The following RBM20 variants were observed in gnomAD, a reference collection of about 807,000 sequenced individuals.
RBM20 encodes the protein RNA binding motif protein 20, also known as RNA-binding protein 20.
Under a neutral mutation model 110.1 loss-of-function variants are expected in RBM20, and 51 were observed. The observed-to-expected ratio is 0.46, with a 90% confidence interval of 0.37 to 0.59. RBM20 has a LOEUF of 0.59. Among genes scored for constraint, RBM20 ranks in the 20% least tolerant of loss-of-function variants. The probability of loss-of-function intolerance (pLI) is 0.00; values close to 1 mark genes in which losing one functional copy is unlikely to be tolerated. For missense variants in RBM20, 1,512 were observed against 1,574.9 expected, an observed-to-expected ratio of 0.96 and a Z score of 0.68; for synonymous variants, 589 against 618.2, an observed-to-expected ratio of 0.95 and a Z score of 0.70.
intron 1 of RBM20, among the ~76,000 whole-genome samples, chr10:110,682,841 T>A (rs1348228173): frequency 6.6e-6 from 1 of 152,252 alleles, no homozygotes; most frequent in Non-Finnish European, 1.5e-5. Context: ...TTGGCATTCA[T>A]CTGTGGAGCT....
At chr10:110,810,805 G>A (rs1423940225) in intron 8 of RBM20, among the ~76,000 whole-genome samples, 1 of 150,306 alleles carries the variant, frequency 6.7e-6, no homozygotes, top group Non-Finnish European at 1.5e-5. Context: ...GTGTGTGTGT[G>A]TGTGTGTGTG....
At position 110,735,736 on chromosome 10, in the gene RBM20, T is replaced by C. The variant is rs138044410; in HGVS notation, c.192-45065T>C. 6.9e-3 allele frequency among the ~76,000 whole-genome samples: 1,056 copies of C among 152,288 alleles called. 11 individuals are homozygous for C. Among genetic ancestry groups the C allele is most frequent in the South Asian group, 0.021 (101 of 4,826 alleles). On this transcript the variant is annotated intron_variant, in intron 1 of 13. Coordinates refer to ENST00000369519, the MANE Select transcript of RBM20 (RefSeq NM_001134363.3). Reference sequence around the variant, plus strand: ...CATGTCTGTTTGCCCCATCTCAAGGTTTTATGCCTTCTAGTTAAGCATCGG... The same window carrying C: ...CATGTCTGTTTGCCCCATCTCAAGGCTTTATGCCTTCTAGTTAAGCATCGG...
intron 1 of RBM20, among the ~76,000 whole-genome samples, chr10:110,695,693 T>A (rs1025905141): frequency 1.3e-5 from 2 of 152,104 alleles, no homozygotes; most frequent in African/African-American, 4.8e-5. Context: ...GTTCTCAGAG[T>A]CATGAGTTTG....
chr10:110,677,773 G>C (rs563872584), intron 1 of RBM20, among the ~76,000 whole-genome samples: 38 of 152,198 alleles, frequency 2.5e-4, no homozygotes, highest in African/African-American at 9.2e-4. Flanking sequence ...GTGTTCGATG[G>C]GCATGTATCT....
intron 1 of RBM20, among the ~76,000 whole-genome samples, chr10:110,660,502 G>A (rs182541711): frequency 1.3e-5 from 2 of 152,132 alleles, no homozygotes; most frequent in African/African-American, 2.4e-5. Context: ...GCGAGCAAGC[G>A]AAGCTTCATC....
intron 9 of RBM20, 37 bp from the exon 10 acceptor site, chr10:110,820,035 C>G (rs1773550375): frequency 2.9e-6 from 4 of 1,362,914 alleles, no homozygotes; most frequent in Non-Finnish European, 4.0e-6. Context: ...TCACTGCTCA[C>G]TGTTGATTTG....
chr10:110,816,267 CT>C (rs1844837404), intron 9 of RBM20, among the ~76,000 whole-genome samples: 1 of 151,998 alleles, frequency 6.6e-6, no homozygotes, highest in African/African-American at 2.4e-5. Context: ...GCTCTTCTCC[CT>C]CCCACCACTG....
At chr10:110,817,531 C>T (rs1321499537) in intron 9 of RBM20, among the ~76,000 whole-genome samples, 4 of 152,172 alleles carry the variant, frequency 2.6e-5, no homozygotes, top group African/African-American at 9.7e-5. Flanking sequence ...GTGGAGCACC[C>T]GGCATTGGGA....
chr10:110,662,164 T>A (rs2134825731), intron 1 of RBM20, among the ~76,000 whole-genome samples: 1 of 152,290 alleles, frequency 6.6e-6, no homozygotes, highest in Admixed American at 6.5e-5. Context: ...CAAATAGATC[T>A]GTGCTTTGTT....
intron 8 of RBM20, among the ~76,000 whole-genome samples, chr10:110,811,564 T>G (rs1257413648): frequency 6.6e-6 from 1 of 152,112 alleles, no homozygotes; most frequent in Non-Finnish European, 1.5e-5. Context: ...GGTTAGGAAG[T>G]CTTGTTCTGA....
At chr10:110,712,560 A>G (rs1862950113) in intron 1 of RBM20, among the ~76,000 whole-genome samples, 1 of 152,176 alleles carries the variant, frequency 6.6e-6, no homozygotes, top group African/African-American at 2.4e-5. Context: ...TGAGGTCAGG[A>G]GTTTGAGACC....
chr10:110,820,200 A>C, intron 10 of RBM20, 24 bp downstream of exon 10: 1 of 1,497,332 alleles, frequency 6.7e-7, no homozygotes, highest in Non-Finnish European at 9.1e-7. Flanking sequence ...CAGATTCTGC[A>C]CTTCTGCCAT....
intron 1 of RBM20, among the ~76,000 whole-genome samples, chr10:110,675,042 A>G (rs1862318403): frequency 6.6e-6 from 1 of 152,214 alleles, no homozygotes; most frequent in South Asian, 2.1e-4. Context: ...CTGATTGCTG[A>G]TGATGCTCTA....
rs201809794 is a variant in RBM20 at position 110,768,402 on chromosome 10, CAGA to C, written c.192-12397_192-12395del. Among the ~76,000 whole-genome samples, 780 of 152,286 alleles carry C rather than the reference CAGA, an allele frequency of 5.1e-3. 26 individuals are homozygous for C. Among genetic ancestry groups the C allele is most frequent in the Admixed American group, 0.045 (688 of 15,298 alleles). On this transcript the variant is annotated intron_variant, in intron 1 of 13. Transcript: ENST00000369519. ...CAGAAAGATATGTGTCTTAAGGCAC[CAGA>C]AACTTCCACCCATTTTGGGAAAGGG...
intron 1 of RBM20, among the ~76,000 whole-genome samples, chr10:110,712,237 C>A (rs1466221629): frequency 6.6e-6 from 1 of 152,180 alleles, no homozygotes; most frequent in Non-Finnish European, 1.5e-5. Flanking sequence ...TCAGGTAAGT[C>A]ATATGCCAGC....
intron 1 of RBM20, among the ~76,000 whole-genome samples, chr10:110,669,446 T>C (rs1169441069): frequency 6.6e-6 from 1 of 152,242 alleles, no homozygotes; most frequent in Admixed American, 6.5e-5. Flanking sequence ...CTGAAAAGCC[T>C]CTTATGGTTT....
At chr10:110,789,481 A>G (rs1473836819) in intron 5 of RBM20, among the ~76,000 whole-genome samples, 2 of 150,898 alleles carry the variant, frequency 1.3e-5, no homozygotes, top group Non-Finnish European at 3.0e-5. Flanking sequence ...TTATCGAGAC[A>G]GGGTCTCGCT....
intron 1 of RBM20, chr10:110,756,795 C>T (rs1196910315): frequency 6.6e-6 from 1 of 152,216 alleles, no homozygotes; most frequent in Non-Finnish European, 1.5e-5. Flanking sequence ...TCCTGGAAAT[C>T]ATTTCATAAT....
intron 1 of RBM20, among the ~76,000 whole-genome samples, chr10:110,767,083 A>ACC (rs1286389283): frequency 9.6e-5 from 7 of 72,756 alleles, no homozygotes; most frequent in Non-Finnish European, 1.9e-4. Context: ...GCGGGGGGTG[A>ACC]CCCCCCCACC....
Sources: allele counts gnomAD v4.1 joint callset (sites outside exome capture counted in the v4.1 genomes callset), GRCh38; gene constraint gnomAD v4.1.1; transcripts MANE v1.5; gene names NCBI Gene and HGNC (gene_info 2026-07-23, HGNC 2026-07-21).